METAP1D: variants seen among roughly 807,000 people sequenced by gnomAD.
METAP1D encodes methionyl aminopeptidase type 1D, mitochondrial, also known as methionine aminopeptidase 1D, mitochondrial.
In METAP1D, 31 loss-of-function variants were observed where a neutral mutation model predicts 40.5. The ratio of observed to expected loss-of-function variants is 0.77; its 90% confidence interval spans 0.58 to 1.03. The LOEUF (loss-of-function observed/expected upper bound fraction) is 1.03, where lower values mean the gene tolerates loss of function less well. Ranked by LOEUF, METAP1D falls within the 50% of genes least tolerant of loss-of-function variation. The probability of loss-of-function intolerance (pLI) is 0.00; values close to 1 mark genes in which losing one functional copy is unlikely to be tolerated. For synonymous variants in METAP1D, 151 were observed against 146.4 expected, an observed-to-expected ratio of 1.03 and a Z score of -0.22; for missense variants, 411 against 420.7, an observed-to-expected ratio of 0.98 and a Z score of 0.20.
intron 1 of METAP1D, among the ~76,000 whole-genome samples, chr2:172,031,262 C>T (rs1032704529): frequency 6.6e-6 from 1 of 151,938 alleles, no homozygotes; most frequent in Non-Finnish European, 1.5e-5. Flanking sequence ...CTGGGTTTTG[C>T]CAAGATTGCT....
intron 1 of METAP1D, among the ~76,000 whole-genome samples, chr2:172,052,282 T>C (rs758143292): frequency 1.3e-5 from 2 of 152,218 alleles, no homozygotes; most frequent in Non-Finnish European, 2.9e-5. Flanking sequence ...ACAGATCCAC[T>C]TTTCTCTCTG....
intron 1 of METAP1D, among the ~76,000 whole-genome samples, chr2:172,017,940 A>G (rs1239068286): frequency 1.3e-5 from 2 of 151,940 alleles, no homozygotes; most frequent in African/African-American, 4.8e-5. Context: ...CAACCTGACC[A>G]ACATGGTGAA....
intron 1 of METAP1D, among the ~76,000 whole-genome samples, chr2:172,017,587 AG>A (rs1480242871): frequency 1.3e-5 from 2 of 151,992 alleles, no homozygotes; most frequent in Non-Finnish European, 2.9e-5. Context: ...GGCAAAAAAA[AG>A]TTAAAGGAAA....
At chr2:172,060,690 G>C (rs1162922671) in intron 1 of METAP1D, among the ~76,000 whole-genome samples, 1 of 152,064 alleles carries the variant, frequency 6.6e-6, no homozygotes, top group African/African-American at 2.4e-5. Flanking sequence ...AGAATTTTCT[G>C]TAAGTATACC....
intron 1 of METAP1D, among the ~76,000 whole-genome samples, chr2:172,031,710 A>T (rs1689245364): frequency 1.3e-5 from 2 of 152,210 alleles, no homozygotes; most frequent in Non-Finnish European, 2.9e-5. Context: ...CTCATCTCTG[A>T]TGCTTTTCAC....
chr2:172,064,043 AT>A, intron 3 of METAP1D, 183 bp downstream of exon 3: 2 of 678,336 alleles, frequency 2.9e-6, no homozygotes, highest in Non-Finnish European at 4.2e-6. Flanking sequence ...GAATTTTATT[AT>A]TTTATGTGTT....
intron 1 of METAP1D, among the ~76,000 whole-genome samples, chr2:172,047,096 A>G (rs1689779479): frequency 6.6e-6 from 1 of 152,090 alleles, no homozygotes; most frequent in Non-Finnish European, 1.5e-5. Flanking sequence ...GCTTTGGTTT[A>G]TGTATATTTT....
chr2:172,038,840 G>T (rs1251874428), intron 1 of METAP1D, among the ~76,000 whole-genome samples: 3 of 152,176 alleles, frequency 2.0e-5, no homozygotes, highest in African/African-American at 4.8e-5. Flanking sequence ...AAAGACTAGG[G>T]TTACATAATA....
intron 1 of METAP1D, among the ~76,000 whole-genome samples, chr2:172,003,200 A>G (rs1390903201): frequency 5.9e-5 from 9 of 152,128 alleles, no homozygotes; most frequent in African/African-American, 2.2e-4. Flanking sequence ...AGCCTCTTGG[A>G]ACCAAGAGAG....
intron 1 of METAP1D, among the ~76,000 whole-genome samples, chr2:172,009,244 C>T (rs1688657100): frequency 6.6e-6 from 1 of 152,056 alleles, no homozygotes; most frequent in Non-Finnish European, 1.5e-5. Context: ...GGGGTTTCAC[C>T]GTGTTAGCCA....
chr2:172,079,680 T>C (rs190189728), intron 8 of METAP1D, among the ~76,000 whole-genome samples: 38 of 152,322 alleles, frequency 2.5e-4, no homozygotes, highest in Middle Eastern at 3.4e-3. Flanking sequence ...AGACATCCTG[T>C]TTCTGACTGT....
At position 172,061,584 on chromosome 2, in the gene METAP1D, C is replaced by T. The variant is rs755339531; in HGVS notation, c.127C>T (p.Arg43Trp). The T allele has an allele frequency of 1.3e-5, 21 of 1,613,714 alleles. No individual in the cohort carries two copies. The highest frequency in any genetic ancestry group is 1.6e-4 in the Middle Eastern group (1 of 6,084). ...TCAACAAAGAAGAAATTTCTTTTTT[C>T]GGAGACAAAGAGATATTTCACACAG... ...SSQQRRNFFFRRQRDISHSIV... is the reference protein window; with the variant it reads ...SSQQRRNFFFWRQRDISHSIV... Residue 43 changes from arginine to tryptophan, a missense_variant, in exon 2 of 10, where the codon CGG (arginine) becomes TGG (tryptophan). Coordinates refer to ENST00000315796, the MANE Select transcript of METAP1D (RefSeq NM_199227.3).
intron 6 of METAP1D, among the ~76,000 whole-genome samples, chr2:172,076,519 C>T (rs1318696894): frequency 6.6e-6 from 1 of 152,234 alleles, no homozygotes; most frequent in Non-Finnish European, 1.5e-5. Context: ...AAAACCTTGA[C>T]TTACCGTTCC....
At chr2:172,014,813 C>T (rs1169378279) in intron 1 of METAP1D, among the ~76,000 whole-genome samples, 5 of 151,870 alleles carry the variant, frequency 3.3e-5, no homozygotes, top group Admixed American at 6.6e-5. Flanking sequence ...CCAGCACACC[C>T]GGCTATTTTT....
chr2:172,080,663 G>A lies in METAP1D; in HGVS notation c.*257G>A. 3.4e-6 allele frequency: 2 copies of A among 586,176 alleles called. No homozygotes were observed. Among genetic ancestry groups the A allele is most frequent in the South Asian group, 4.1e-5 (2 of 49,018 alleles). The allele number at this position is 586,176 out of a possible 1,614,324, so 36.3% of individuals were successfully genotyped here. A position where few individuals can be genotyped will look rare whatever the true frequency, so the allele number is the denominator to read the frequency against. On this transcript the variant is annotated 3_prime_UTR_variant, in exon 10 of 10. Transcript: ENST00000315796. The stretch of plus-strand genomic sequence containing the variant: ...TTTCCCAGCGCGGTCAACGCATCTG[G>A]AGGGGACTGGAGGAAACCCCCTTGT...
rs1300740908 is a variant in METAP1D at position 172,070,952 on chromosome 2, G to T, written c.586G>T (p.Val196Leu). Residue 196 changes from valine to leucine, a missense_variant, in exon 6 of 10, where the codon GTG (valine) becomes TTG (leucine). Physicochemically the swap from Val to Leu is conservative, Grantham distance 32. Coordinates refer to ENST00000315796, the MANE Select transcript of METAP1D (RefSeq NM_199227.3). ...YHGDTSETFL[V>L]GNVDECGKKL... ...TGGAGACACCTCTGAAACATTTTTG[G>T]TGGGCAATGTGGACGAATGTGGTAA... 6.2e-7 allele frequency: 1 copy of T among 1,612,480 alleles called. No homozygotes were observed. The highest frequency in any genetic ancestry group is 1.1e-5 in the South Asian group (1 of 90,930).
chr2:172,031,606 C>T (rs1359664994), intron 1 of METAP1D, among the ~76,000 whole-genome samples: 1 of 152,206 alleles, frequency 6.6e-6, no homozygotes, highest in Non-Finnish European at 1.5e-5. Flanking sequence ...TTGGCACCTT[C>T]ACTTCCTGCA....
At chr2:172,045,910 G>A (rs1275281146) in intron 1 of METAP1D, among the ~76,000 whole-genome samples, 1 of 129,672 alleles carries the variant, frequency 7.7e-6, no homozygotes, top group Non-Finnish European at 1.6e-5. Context: ...GTGCACCTAT[G>A]CTGCTGTGTA....
chr2:172,011,406 T>C (rs1688719256), intron 1 of METAP1D, among the ~76,000 whole-genome samples: 1 of 151,094 alleles, frequency 6.6e-6, no homozygotes. Flanking sequence ...TGCCTCAGCC[T>C]CCAGAGTAGC....
Sources: gnomAD v4.1 joint callset for allele counts (sites outside exome capture counted in the v4.1 genomes callset) on GRCh38, gnomAD v4.1.1 for gene constraint, MANE v1.5 for transcripts, NCBI Gene and HGNC (gene_info 2026-07-23, HGNC 2026-07-21) for gene names.